The following WHRN variants were observed in gnomAD, a reference collection of about 807,000 sequenced individuals.
The protein encoded by WHRN is whirlin.
In WHRN, 41 loss-of-function variants were observed where a neutral mutation model predicts 68.3. That is an observed-to-expected ratio of 0.60 (90% CI 0.47 to 0.78). The LOEUF is 0.78. WHRN is among the 30% of genes least tolerant of loss of function. The probability of loss-of-function intolerance (pLI) is 0.00; values close to 1 mark genes in which losing one functional copy is unlikely to be tolerated. For missense variants in WHRN, 1,243 were observed against 1,244.7 expected, an observed-to-expected ratio of 1.00 and a Z score of 0.02; for synonymous variants, 560 against 561.3, an observed-to-expected ratio of 1.00 and a Z score of 0.03.
chr9:114,450,384 C>T (rs1318553138), intron 3 of WHRN, among the ~76,000 whole-genome samples: 1 of 152,094 alleles, frequency 6.6e-6, no homozygotes, highest in African/African-American at 2.4e-5. Flanking sequence ...AGGGACAATA[C>T]AAGACTGTCC....
intron 1 of WHRN, among the ~76,000 whole-genome samples, chr9:114,500,679 T>C (rs146028505): frequency 1.4e-3 from 207 of 152,374 alleles, no homozygotes; most frequent in African/African-American, 4.9e-3. Context: ...TGTGTTCTGC[T>C]ACCGCATAAC....
intron 3 of WHRN, 93 bp downstream of exon 3, chr9:114,466,174 G>C (rs947532769): frequency 6.3e-7 from 1 of 1,585,304 alleles, no homozygotes; most frequent in Non-Finnish European, 8.6e-7. Flanking sequence ...AGTCCTCAAG[G>C]TGGAGTGCTG....
chr9:114,452,357 C>T (rs900051485), intron 3 of WHRN, among the ~76,000 whole-genome samples: 1 of 152,194 alleles, frequency 6.6e-6, no homozygotes, highest in Non-Finnish European at 1.5e-5. Flanking sequence ...GCTGGCTGGC[C>T]GGCTGCCAAG....
chr9:114,452,477 A>G lies in WHRN; in HGVS notation c.963+13790T>C, dbSNP rs557456465. On this transcript the variant is annotated intron_variant, in intron 3 of 11. Transcript: ENST00000362057. ...AAATTGTTCTTGTCTTGAAGAAGTG[A>G]CTGTGGAGAAGGCAGGCCCTGAGCC... Among the ~76,000 whole-genome samples, 5 of 152,320 alleles carry G rather than the reference A, an allele frequency of 3.3e-5. No homozygotes were observed. In the East Asian group the frequency reaches 9.6e-4, roughly 29 times the overall value.
At chr9:114,448,328 CA>C (rs1839017957) in intron 3 of WHRN, among the ~76,000 whole-genome samples, 1 of 152,156 alleles carries the variant, frequency 6.6e-6, no homozygotes, top group Non-Finnish European at 1.5e-5. Context: ...CAGGAACCAG[CA>C]AAAACTGGAA....
At chr9:114,502,896 T>TA (rs1201010284) in intron 1 of WHRN, among the ~76,000 whole-genome samples, 1 of 152,150 alleles carries the variant, frequency 6.6e-6, no homozygotes, top group East Asian at 1.9e-4. Flanking sequence ...AAAAGATTGA[T>TA]AGAGGGGGAA....
intron 7 of WHRN, 62 bp from the exon 8 acceptor site, chr9:114,408,080 T>C (rs1589068586): frequency 7.1e-7 from 1 of 1,400,744 alleles, no homozygotes; most frequent in East Asian, 2.5e-5. Context: ...ACTGGTTTGT[T>C]CTCCAGCACA....
intron 1 of WHRN, among the ~76,000 whole-genome samples, chr9:114,500,826 C>G (rs1346747280): frequency 6.6e-6 from 1 of 152,186 alleles, no homozygotes; most frequent in African/African-American, 2.4e-5. Context: ...GGTCAAGAGA[C>G]AGCAGTCAAG....
chr9:114,485,404 T>C (rs954654787), intron 1 of WHRN, among the ~76,000 whole-genome samples: 1 of 152,190 alleles, frequency 6.6e-6, no homozygotes, highest in African/African-American at 2.4e-5. Context: ...TAAAAAGCAA[T>C]TGCTGGTCAG....
chr9:114,468,882 C>T (rs886178123), intron 2 of WHRN, among the ~76,000 whole-genome samples: 1 of 152,300 alleles, frequency 6.6e-6, no homozygotes, highest in Non-Finnish European at 1.5e-5. Flanking sequence ...GGGTTCAAGG[C>T]CCACCCTGGT....
chr9:114,414,282 C>A (rs1351547703), intron 7 of WHRN, among the ~76,000 whole-genome samples: 1 of 152,202 alleles, frequency 6.6e-6, no homozygotes, highest in Admixed American at 6.5e-5. Flanking sequence ...ACTCACTGCT[C>A]AACCCTGTTA....
At chr9:114,438,844 G>A (rs1838118435) in intron 3 of WHRN, among the ~76,000 whole-genome samples, 1 of 152,192 alleles carries the variant, frequency 6.6e-6, no homozygotes, top group Admixed American at 6.5e-5. Context: ...AGCACTGTTT[G>A]TGACTGTAAA....
chr9:114,425,158 A>G, intron 4 of WHRN, 134 bp from the exon 5 acceptor site: 1 of 894,964 alleles, frequency 1.1e-6, no homozygotes, highest in Non-Finnish European at 1.9e-6. Context: ...ACTCGCTGCC[A>G]GTTCAGTCTG....
chr9:114,406,338 G>C lies in WHRN; in HGVS notation c.2236+17C>G. ...GGGACCCCCAAGGACCACAGAGCCTGGCCTTGCTGTACTCACTGCGCGTCT... is the reference window on the plus strand; with the variant it reads ...GGGACCCCCAAGGACCACAGAGCCTCGCCTTGCTGTACTCACTGCGCGTCT... On this transcript the variant is annotated intron_variant, in intron 9 of 11. Coordinates refer to ENST00000362057, the MANE Select transcript of WHRN (RefSeq NM_015404.4). 1 of 1,613,850 alleles carries C rather than the reference G, an allele frequency of 6.2e-7. No homozygotes were observed. The highest frequency in any genetic ancestry group is 2.2e-5 in the East Asian group (1 of 44,880).
At chr9:114,456,618 G>A (rs551655275) in intron 3 of WHRN, among the ~76,000 whole-genome samples, 3 of 152,096 alleles carry the variant, frequency 2.0e-5, no homozygotes, top group African/African-American at 7.2e-5. Context: ...ACTTGAGGTG[G>A]GGAGTTTAAG....
At chr9:114,475,656 CTGGCCG>C (rs1358267172) in intron 2 of WHRN, among the ~76,000 whole-genome samples, 1 of 152,182 alleles carries the variant, frequency 6.6e-6, no homozygotes, top group Non-Finnish European at 1.5e-5. Context: ...GTCCAAGAGT[CTGGCCG>C]TGGCTTTTTG....
rs1438920479 is a variant in WHRN, at chr9:114,402,284, G to T, written c.*470C>A. 2 of 204,822 alleles carry T rather than the reference G, an allele frequency of 9.8e-6. No homozygotes were observed. Among genetic ancestry groups the T allele is most frequent in the Non-Finnish European group, 2.0e-5 (2 of 98,578 alleles). The allele number at this position is 204,822 out of a possible 1,614,324, so 12.7% of individuals were successfully genotyped here. A position where few individuals can be genotyped will look rare whatever the true frequency, so the allele number is the denominator to read the frequency against. ...AAGGAGCCAGGAGGAATGGGGGTGT[G>T]AATGGGGAGGTGCTCGATGCTTATT... On this transcript the variant is annotated 3_prime_UTR_variant, in exon 12 of 12. Coordinates refer to ENST00000362057, the MANE Select transcript of WHRN (RefSeq NM_015404.4).
At chr9:114,407,514 C>T (rs1209610537) in intron 8 of WHRN, among the ~76,000 whole-genome samples, 4 of 152,218 alleles carry the variant, frequency 2.6e-5, no homozygotes. Flanking sequence ...GACTACCACT[C>T]CCCTCTGCCT....
At chr9:114,452,123 G>A (rs1419421437) in intron 3 of WHRN, among the ~76,000 whole-genome samples, 3 of 152,210 alleles carry the variant, frequency 2.0e-5, no homozygotes, top group African/African-American at 7.2e-5. Flanking sequence ...GAAAGGTAAA[G>A]AATAAAAATT....
Sources: allele counts gnomAD v4.1 joint callset (sites outside exome capture counted in the v4.1 genomes callset), GRCh38; gene constraint gnomAD v4.1.1; transcripts MANE v1.5; gene names NCBI Gene and HGNC (gene_info 2026-07-23, HGNC 2026-07-21).